Variants in CNTNAP4 observed in about 807,000 individuals in gnomAD.
The protein encoded by CNTNAP4 is contactin associated protein family member 4, also known as contactin-associated protein-like 4.
Under a neutral mutation model 148.4 loss-of-function variants are expected in CNTNAP4, and 98 were observed. That is an observed-to-expected ratio of 0.66 (90% CI 0.56 to 0.78). The LOEUF (loss-of-function observed/expected upper bound fraction) is 0.78. Ranked by LOEUF, CNTNAP4 falls within the 30% of genes least tolerant of loss-of-function variation. The probability of loss-of-function intolerance (pLI) is 0.00; values close to 1 mark genes in which losing one functional copy is unlikely to be tolerated. For synonymous variants in CNTNAP4, 730 were observed against 565.1 expected (o/e 1.29, Z -4.14); for missense variants, 1,935 against 1,565.6 (o/e 1.24, Z -3.98).
chr16:76,375,219 C>G (rs566817283), intron 3 of CNTNAP4, among the ~76,000 whole-genome samples: 147 of 152,022 alleles, frequency 9.7e-4, no homozygotes, highest in African/African-American at 3.3e-3. Context: ...GTCAGAAGTT[C>G]GAGACCAGCC....
chr16:76,289,737 A>G (rs1026904720), intron 1 of CNTNAP4, among the ~76,000 whole-genome samples: 7 of 151,918 alleles, frequency 4.6e-5, no homozygotes, highest in Admixed American at 2.0e-4. Flanking sequence ...TGCCTGGCTA[A>G]TTTTTGTACA....
intron 4 of CNTNAP4, among the ~76,000 whole-genome samples, chr16:76,437,942 T>A (rs59902058): frequency 0.022 from 3,357 of 152,200 alleles, 59 homozygotes; most frequent in Non-Finnish European, 0.028. Context: ...AAATTATAAG[T>A]GTTAAATAAA....
intron 4 of CNTNAP4, among the ~76,000 whole-genome samples, chr16:76,437,274 C>A (rs576296676): frequency 6.6e-6 from 1 of 152,198 alleles, no homozygotes; most frequent in South Asian, 2.1e-4. Context: ...AGCCCACTGA[C>A]TGAAATGTTA....
At chr16:76,318,896 T>G (rs1962113203) in intron 2 of CNTNAP4, among the ~76,000 whole-genome samples, 1 of 151,978 alleles carries the variant, frequency 6.6e-6, no homozygotes, top group Admixed American at 6.6e-5. Flanking sequence ...GTAAATAAAT[T>G]AAACCAGCAA....
intron 12 of CNTNAP4, among the ~76,000 whole-genome samples, chr16:76,487,077 A>G (rs910503609): frequency 1.3e-5 from 2 of 152,178 alleles, no homozygotes; most frequent in African/African-American, 2.4e-5. Flanking sequence ...TGCAAGTGGG[A>G]TAACATCTCA....
chr16:76,501,930 G>C (rs1040197021), intron 15 of CNTNAP4, among the ~76,000 whole-genome samples: 1 of 151,538 alleles, frequency 6.6e-6, no homozygotes, highest in African/African-American at 2.4e-5. Context: ...TTAGCCGGGC[G>C]TAGTGGCGGG....
chr16:76,517,707 T>C (rs897875179), intron 15 of CNTNAP4, among the ~76,000 whole-genome samples: 9 of 152,180 alleles, frequency 5.9e-5, no homozygotes, highest in African/African-American at 2.2e-4. Context: ...TAATATAAAG[T>C]GTGCTATTGA....
chr16:76,360,599 T>C (rs964688622), intron 3 of CNTNAP4, among the ~76,000 whole-genome samples: 5 of 152,218 alleles, frequency 3.3e-5, no homozygotes, highest in Admixed American at 6.5e-5. Context: ...TCAAACTTAA[T>C]GCACTGCAGT....
intron 11 of CNTNAP4, among the ~76,000 whole-genome samples, chr16:76,477,270 T>C (rs1285737054): frequency 6.6e-6 from 1 of 152,170 alleles, no homozygotes; most frequent in East Asian, 1.9e-4. Context: ...TGTTATTTCA[T>C]TGTCCAGTTG....
chr16:76,319,746 T>C (rs555598282), intron 2 of CNTNAP4, among the ~76,000 whole-genome samples: 3 of 151,912 alleles, frequency 2.0e-5, no homozygotes, highest in Non-Finnish European at 4.4e-5. Flanking sequence ...AACCAAGAAA[T>C]GCGAAGGATT....
chr16:76,401,919 T>G (rs1170020467), intron 3 of CNTNAP4, among the ~76,000 whole-genome samples: 1 of 152,224 alleles, frequency 6.6e-6, no homozygotes, highest in East Asian at 1.9e-4. Flanking sequence ...ATTTGCTTTT[T>G]GAAGTGCTTC....
chr16:76,478,826 T>G (rs528849659), intron 11 of CNTNAP4, among the ~76,000 whole-genome samples: 33 of 152,268 alleles, frequency 2.2e-4, no homozygotes, highest in Admixed American at 2.0e-4. Flanking sequence ...TTATGGAGCA[T>G]TGGTGGGAGT....
At chr16:76,453,288 G>A (rs889224277) in intron 8 of CNTNAP4, among the ~76,000 whole-genome samples, 7 of 152,160 alleles carry the variant, frequency 4.6e-5, no homozygotes, top group African/African-American at 1.7e-4. Context: ...TTGAGGGGAT[G>A]CAAAGATTTA....
intron 21 of CNTNAP4, among the ~76,000 whole-genome samples, chr16:76,546,046 A>G (rs946954793): frequency 1.3e-5 from 2 of 151,800 alleles, no homozygotes; most frequent in African/African-American, 4.8e-5. Context: ...AAAAAAAAAG[A>G]AAAACTAAAA....
chr16:76,551,569 G>A (rs766680881), intron 21 of CNTNAP4, among the ~76,000 whole-genome samples: 73 of 152,170 alleles, frequency 4.8e-4, no homozygotes, highest in Non-Finnish European at 3.1e-4. Flanking sequence ...AACAAAAGAA[G>A]CTCATAATTT....
At chr16:76,539,646 A>G in intron 19 of CNTNAP4, 73 bp from the exon 20 acceptor site, 3 of 1,244,412 alleles carry the variant, frequency 2.4e-6, no homozygotes, top group Middle Eastern at 2.7e-4. Context: ...ACAAAAAATC[A>G]CTCTGATTTT....
At position 76,559,520 on chromosome 16, in the gene CNTNAP4, A is replaced by C. The variant is rs1044771685; in HGVS notation, c.*837A>C. Among the ~76,000 whole-genome samples, 1 of 152,210 alleles carries C rather than the reference A, an allele frequency of 6.6e-6. No homozygotes were observed. Among genetic ancestry groups the C allele is most frequent in the African/African-American group, 2.4e-5 (1 of 41,452 alleles). On this transcript the variant is annotated 3_prime_UTR_variant, in exon 24 of 24. Coordinates refer to ENST00000611870, the MANE Select transcript of CNTNAP4 (RefSeq NM_033401.5). The stretch of plus-strand genomic sequence containing the variant: ...AAATGTTTTCAACTAAACTGTTGAT[A>C]TATTAAAAAAAATTCTTAACACAGC...
chr16:76,341,623 G>T (rs1374746575), intron 2 of CNTNAP4, among the ~76,000 whole-genome samples: 1 of 152,132 alleles, frequency 6.6e-6, no homozygotes, highest in Non-Finnish European at 1.5e-5. Flanking sequence ...GAAATGTTAA[G>T]TTTAACAAAT....
Position 76,308,497 on chromosome 16 carries a change from A to G in CNTNAP4, c.86-7916A>G, listed in dbSNP as rs180788496. On this transcript the variant is annotated intron_variant, in intron 1 of 23. Transcript: ENST00000611870. ...CCACACACCGTCAGGCACCATGGCT[A>G]CTACATAGGGAGAGAGGGGTGGGGT... Among the ~76,000 whole-genome samples the G allele has an allele frequency of 5.3e-5, 8 of 152,314 alleles. No individual in the cohort carries two copies. In the East Asian group the frequency reaches 1.5e-3, roughly 29 times the overall value.
Sources: allele counts gnomAD v4.1 joint callset (sites outside exome capture counted in the v4.1 genomes callset), GRCh38; gene constraint gnomAD v4.1.1; transcripts MANE v1.5; gene names NCBI Gene and HGNC (gene_info 2026-07-23, HGNC 2026-07-21).